Variants in EYS observed in about 807,000 individuals in gnomAD.
EYS encodes protein eyes shut homolog.
A neutral mutation model predicts 282.1 loss-of-function variants in EYS; 250 were observed. That is an observed-to-expected ratio of 0.89 (90% CI 0.80 to 0.98). The LOEUF is 0.98. Among genes scored for constraint, EYS ranks in the 50% least tolerant of loss-of-function variants. The pLI, the probability that EYS is intolerant of heterozygous loss-of-function variation, is 0.00. For missense variants in EYS, 4,016 were observed against 3,709.0 expected, an observed-to-expected ratio of 1.08 and a Z score of -2.15; for synonymous variants, 1,355 against 1,282.9, an observed-to-expected ratio of 1.06 and a Z score of -1.20.
At chr6:65,371,725 CTCTCTCTCTCTCTCTCTGTGTGTG>C (rs1420207806) in intron 8 of EYS, among the ~76,000 whole-genome samples, 47 of 116,130 alleles carry the variant, frequency 4.0e-4, no homozygotes, top group African/African-American at 1.3e-3. Context: ...CTCTCTCTCT[CTCTCTCTCTCTCTCTCTGTGTGTG>C]TGTGTGTGTG....
chr6:64,945,451 C>T (rs2150095843), intron 15 of EYS, among the ~76,000 whole-genome samples: 1 of 152,208 alleles, frequency 6.6e-6, no homozygotes, highest in South Asian at 2.1e-4. Context: ...GGACTCACTC[C>T]TTTCTTGTCA....
chr6:64,620,451 G>A (rs1349180244), intron 23 of EYS, among the ~76,000 whole-genome samples: 2 of 152,122 alleles, frequency 1.3e-5, no homozygotes, highest in Non-Finnish European at 2.9e-5. Flanking sequence ...TTTTAGGTAT[G>A]TTTCTTACTG....
chr6:64,033,136 T>A (rs1769940795), intron 33 of EYS, among the ~76,000 whole-genome samples: 1 of 152,232 alleles, frequency 6.6e-6, no homozygotes, highest in South Asian at 2.1e-4. Flanking sequence ...TCTTATTATG[T>A]AACAGCTGTC....
Position 65,042,228 on chromosome 6 carries a change from G to A in EYS, c.2137+15386C>T, listed in dbSNP as rs1583427200. ...TTTGAACAGTATATCTGTCTTTCTT[G>A]CAACTTATCTATGTCTTTATATTTA... is the stretch of plus-strand genomic sequence containing the variant. On this transcript the variant is annotated intron_variant, in intron 13 of 42. Coordinates refer to ENST00000503581, the MANE Select transcript of EYS (RefSeq NM_001142800.2). Among the ~76,000 whole-genome samples the A allele has an allele frequency of 2.0e-5, 3 of 151,220 alleles. No homozygotes were observed. In the South Asian group the frequency reaches 6.2e-4, roughly 31 times the overall value.
intron 26 of EYS, among the ~76,000 whole-genome samples, chr6:64,513,220 C>A (rs1777462543): frequency 6.6e-6 from 1 of 151,700 alleles, no homozygotes; most frequent in African/African-American, 2.4e-5. Flanking sequence ...TAAAAGAGTA[C>A]ATAATTGAAT....
At chr6:64,277,316 G>A (rs934057151) in intron 30 of EYS, among the ~76,000 whole-genome samples, 3 of 152,006 alleles carry the variant, frequency 2.0e-5, no homozygotes, top group Non-Finnish European at 2.9e-5. Flanking sequence ...AACATATAGT[G>A]GTATCCAAAG....
intron 26 of EYS, among the ~76,000 whole-genome samples, chr6:64,450,341 C>A (rs912147268): frequency 6.6e-6 from 1 of 152,154 alleles, no homozygotes; most frequent in Admixed American, 6.5e-5. Flanking sequence ...AATACAGGAG[C>A]ACCCAGATTC....
chr6:64,092,694 T>G (rs1319334146), intron 31 of EYS, among the ~76,000 whole-genome samples: 3 of 151,806 alleles, frequency 2.0e-5, no homozygotes, highest in African/African-American at 7.3e-5. Flanking sequence ...TTTCTCCCAT[T>G]TTGTAGGTTG....
At chr6:63,916,896 C>G (rs751480789) in intron 35 of EYS, among the ~76,000 whole-genome samples, 13 of 152,118 alleles carry the variant, frequency 8.5e-5, no homozygotes, top group Non-Finnish European at 1.6e-4. Context: ...GCAAGAAGTT[C>G]CAGGTGCTGT....
intron 22 of EYS, among the ~76,000 whole-genome samples, chr6:64,628,809 T>A (rs543157618): frequency 4.0e-4 from 61 of 152,332 alleles, no homozygotes; most frequent in South Asian, 2.3e-3. Flanking sequence ...GTTTAAAAAA[T>A]TTTTAATATA....
At chr6:64,312,009 C>G (rs1769731605) in intron 29 of EYS, among the ~76,000 whole-genome samples, 1 of 141,696 alleles carries the variant, frequency 7.1e-6, no homozygotes, top group Non-Finnish European at 1.5e-5. Flanking sequence ...CCAGTGGCAC[C>G]TGGAATGCCG....
intron 33 of EYS, among the ~76,000 whole-genome samples, chr6:64,022,310 T>C (rs560723589): frequency 6.6e-6 from 1 of 152,328 alleles, no homozygotes; most frequent in South Asian, 2.1e-4. Flanking sequence ...ACACACAATA[T>C]AATATTTTCT....
intron 22 of EYS, among the ~76,000 whole-genome samples, chr6:64,757,425 A>G (rs1480949725): frequency 6.6e-6 from 1 of 151,042 alleles, no homozygotes; most frequent in African/African-American, 2.5e-5. Flanking sequence ...GGCAAAAGAC[A>G]TGCATTTTTT....
At chr6:65,178,379 T>C (rs1200994465) in intron 12 of EYS, among the ~76,000 whole-genome samples, 1 of 151,948 alleles carries the variant, frequency 6.6e-6, no homozygotes, top group African/African-American at 2.4e-5. Flanking sequence ...CAGTTGACCA[T>C]GACAACTTTG....
intron 1 of EYS, among the ~76,000 whole-genome samples, chr6:65,700,070 G>A (rs1412271814): frequency 3.0e-5 from 4 of 132,370 alleles, no homozygotes; most frequent in Non-Finnish European, 6.1e-5. Context: ...AGCGGAGATC[G>A]TGCCACTGCA....
At chr6:64,659,143 C>T (rs1768887657) in intron 22 of EYS, among the ~76,000 whole-genome samples, 1 of 151,662 alleles carries the variant, frequency 6.6e-6, no homozygotes, top group Non-Finnish European at 1.5e-5. Flanking sequence ...CTACTGGGTA[C>T]ATAACAAAAT....
chr6:65,527,049 A>G (rs1370678992), intron 2 of EYS, among the ~76,000 whole-genome samples: 1 of 152,180 alleles, frequency 6.6e-6, no homozygotes, highest in Non-Finnish European at 1.5e-5. Context: ...CCTTCTCATC[A>G]CTTAAAAATT....
chr6:65,609,212 C>T (rs2149794056), intron 2 of EYS, among the ~76,000 whole-genome samples: 1 of 151,902 alleles, frequency 6.6e-6, no homozygotes, highest in Middle Eastern at 3.4e-3. Context: ...ACCATGACTA[C>T]CACCACTAAG....
At position 63,857,990 on chromosome 6, in the gene EYS, G is replaced by C. The variant is rs553464274; in HGVS notation, c.7228+6196C>G. Among the ~76,000 whole-genome samples, 10 of 152,188 alleles carry C rather than the reference G, an allele frequency of 6.6e-5. No homozygotes were observed. The South Asian group carries it at 1.5e-3, about 22-fold the overall frequency. ...ATGTTCACCTAAATTTAACGTGAGG[G>C]GGAGTAAAAGTAGCCTTGAGGCCAG... On this transcript the variant is annotated intron_variant, in intron 36 of 42. Transcript: ENST00000503581.
Sources: gnomAD v4.1 joint callset for allele counts (sites outside exome capture counted in the v4.1 genomes callset) on GRCh38, gnomAD v4.1.1 for gene constraint, MANE v1.5 for transcripts, NCBI Gene and HGNC (gene_info 2026-07-23, HGNC 2026-07-21) for gene names.